The following TEX11 variants were observed in gnomAD, a reference collection of about 807,000 sequenced individuals.
TEX11 encodes the protein testis expressed 11, also known as testis-expressed protein 11.
A neutral mutation model predicts 84.4 loss-of-function variants in TEX11; 7 were observed. The observed-to-expected ratio is 0.08, with a 90% CI of 0.05 to 0.16. The LOEUF is 0.16. TEX11 is among the 10% of genes least tolerant of loss of function. The pLI is 1.00. For missense variants in TEX11, 551 were observed against 660.5 expected (o/e 0.83, Z 1.82); for synonymous variants, 264 against 222.8 (o/e 1.18, Z -1.64).
intron 11 of TEX11, among the ~76,000 whole-genome samples, chrX:70,726,803 T>C (rs1234131855): frequency 1.8e-5 from 2 of 108,968 alleles, no homozygotes; most frequent in African/African-American, 6.7e-5. Context: ...AGTGCAGGGA[T>C]TACAGGCATG....
At chrX:70,564,402 TTTTA>T (rs1391293253) in intron 25 of TEX11, among the ~76,000 whole-genome samples, 2 of 111,579 alleles carry the variant, frequency 1.8e-5, no homozygotes, top group African/African-American at 6.5e-5. Flanking sequence ...TTTCTTTTTA[TTTTA>T]TTTTATTATT....
intron 9 of TEX11, among the ~76,000 whole-genome samples, chrX:70,753,216 G>A (rs1218088703): frequency 4.8e-5 from 5 of 103,117 alleles, no homozygotes; most frequent in African/African-American, 7.1e-5. Flanking sequence ...TGGGCGGCGA[G>A]GGGGGCGGGG....
intron 4 of TEX11, among the ~76,000 whole-genome samples, chrX:70,862,716 C>G (rs1288544350): frequency 9.9e-6 from 1 of 101,364 alleles, no homozygotes; most frequent in Non-Finnish European, 2.0e-5. Context: ...CCAGCCTGAC[C>G]AACATGGTGT....
chrX:70,519,736 T>G, the TEX11 span, among the ~76,000 whole-genome samples: 675 of 112,188 alleles, frequency 6.0e-3, 5 homozygotes, highest in African/African-American at 0.021. Flanking sequence ...ATTCTCCCCA[T>G]CACTTTCAGG....
intron 8 of TEX11, among the ~76,000 whole-genome samples, chrX:70,808,036 G>A (rs973534771): frequency 2.1e-5 from 2 of 95,168 alleles, no homozygotes; most frequent in Non-Finnish European, 2.0e-5. Context: ...CCCAGGAGGC[G>A]GAGGTTGCAG....
At chrX:70,705,671 A>G (rs2090367308) in intron 13 of TEX11, among the ~76,000 whole-genome samples, 1 of 112,391 alleles carries the variant, frequency 8.9e-6, no homozygotes, top group African/African-American at 3.2e-5. Context: ...ACACTTCTCA[A>G]AAGAAGACAT....
chrX:70,823,127 C>T (rs1374885554), intron 8 of TEX11, among the ~76,000 whole-genome samples: 2 of 111,049 alleles, frequency 1.8e-5, no homozygotes, highest in African/African-American at 6.5e-5. Context: ...TGACATTATG[C>T]TAAATGAAAT....
At chrX:70,648,229 C>T (rs921393082) in intron 17 of TEX11, among the ~76,000 whole-genome samples, 18 of 110,481 alleles carry the variant, frequency 1.6e-4, no homozygotes, top group Non-Finnish European at 2.6e-4. Context: ...CACTTGGACA[C>T]AGGAAGGGGA....
At chrX:70,781,149 C>T (rs1055249075) in intron 9 of TEX11, among the ~76,000 whole-genome samples, 6 of 111,910 alleles carry the variant, frequency 5.4e-5, no homozygotes, top group Admixed American at 2.8e-4. Context: ...CTGCAGCCTC[C>T]GCTGGTGATA....
chrX:70,838,713 G>A (rs1191808975), intron 7 of TEX11, among the ~76,000 whole-genome samples: 1 of 112,664 alleles, frequency 8.9e-6, no homozygotes, highest in Admixed American at 9.4e-5. Flanking sequence ...AGCACAAGGG[G>A]TCAGGGAATT....
intron 17 of TEX11, among the ~76,000 whole-genome samples, chrX:70,639,724 A>G (rs2147581695): frequency 8.9e-6 from 1 of 111,871 alleles, no homozygotes; most frequent in South Asian, 3.8e-4. Context: ...TGTTAGAAGG[A>G]AAACTAACAA....
chrX:70,655,625 G>GCA (rs2089857550), intron 16 of TEX11, among the ~76,000 whole-genome samples: 1 of 110,909 alleles, frequency 9.0e-6, no homozygotes, highest in Non-Finnish European at 1.9e-5. Context: ...TTTTTTTCAA[G>GCA]CACACACAGA....
intron 22 of TEX11, 147 bp downstream of exon 22, chrX:70,608,944 A>T: frequency 2.2e-6 from 1 of 446,126 alleles, no homozygotes. Context: ...AGTATATATA[A>T]CTATTTCCAT....
chrX:70,577,206 C>T (rs902487334), intron 25 of TEX11, among the ~76,000 whole-genome samples: 4 of 108,972 alleles, frequency 3.7e-5, no homozygotes, highest in African/African-American at 1.3e-4. Flanking sequence ...CAAAGCAAAA[C>T]AAAACAAACA....
At chrX:70,811,270 G>A (rs913837517) in intron 8 of TEX11, among the ~76,000 whole-genome samples, 1 of 107,675 alleles carries the variant, frequency 9.3e-6, no homozygotes, top group African/African-American at 3.4e-5. Context: ...GTGAGAACAT[G>A]CAGTGTTTGG....
intron 2 of TEX11, among the ~76,000 whole-genome samples, chrX:70,906,118 T>TC (rs2091832265): frequency 1.9e-5 from 1 of 53,757 alleles, no homozygotes; most frequent in Non-Finnish European, 3.1e-5. Context: ...TATATATATA[T>TC]ATATATATAT....
At chrX:70,593,156 T>C (rs1010666585) in intron 24 of TEX11, among the ~76,000 whole-genome samples, 9 of 109,947 alleles carry the variant, frequency 8.2e-5, no homozygotes, top group Non-Finnish European at 1.7e-4. Context: ...CTGGATGTGC[T>C]ACCAATAGAA....
chrX:70,720,485 T>C (rs898031556), intron 13 of TEX11, among the ~76,000 whole-genome samples: 3 of 109,501 alleles, frequency 2.7e-5, no homozygotes, highest in Non-Finnish European at 3.8e-5. Flanking sequence ...AACCTGCATG[T>C]TGTGCACATG....
At chrX:70,735,092 G>T (rs1299475805) in intron 11 of TEX11, among the ~76,000 whole-genome samples, 1 of 110,025 alleles carries the variant, frequency 9.1e-6, no homozygotes, top group Admixed American at 9.7e-5. Flanking sequence ...TGCTCTTGTT[G>T]TCCAGGCTGG....
Sources: allele counts gnomAD v4.1 joint callset (sites outside exome capture counted in the v4.1 genomes callset), GRCh38; gene constraint gnomAD v4.1.1; transcripts MANE v1.5; gene names NCBI Gene and HGNC (gene_info 2026-07-23, HGNC 2026-07-21).